The following DYNC2H1 variants were observed in gnomAD, a reference collection of about 807,000 sequenced individuals.
DYNC2H1 encodes dynein cytoplasmic 2 heavy chain 1.
DYNC2H1 carries 410 observed loss-of-function variants against 570.0 expected under a neutral mutation model. That is an observed-to-expected ratio of 0.72 (90% confidence interval 0.66 to 0.78). The LOEUF (loss-of-function observed/expected upper bound fraction) is 0.78. DYNC2H1 is among the 30% of genes least tolerant of loss of function. The pLI, the probability that DYNC2H1 is intolerant of heterozygous loss-of-function variation, is 0.00. For missense variants in DYNC2H1, 4,865 were observed against 5,046.4 expected (o/e 0.96, Z 1.09); for synonymous variants, 1,688 against 1,677.6 (o/e 1.01, Z -0.15).
At chr11:103,311,386 C>CTAG (rs1477884459) in intron 78 of DYNC2H1, among the ~76,000 whole-genome samples, 2 of 151,944 alleles carry the variant, frequency 1.3e-5, no homozygotes, top group African/African-American at 4.8e-5. Context: ...GTCTATGAAC[C>CTAG]TAGCAATGTT....
intron 32 of DYNC2H1, among the ~76,000 whole-genome samples, chr11:103,169,185 C>A (rs1861464737): frequency 1.3e-5 from 2 of 151,980 alleles, no homozygotes; most frequent in South Asian, 4.1e-4. Flanking sequence ...GTACTGAATT[C>A]TCAAAAATGT....
chr11:103,424,720 AG>A (rs1943608601), intron 84 of DYNC2H1, among the ~76,000 whole-genome samples: 1 of 151,622 alleles, frequency 6.6e-6, no homozygotes, highest in Non-Finnish European at 1.5e-5. Context: ...AAAAAAAAAA[AG>A]AGGAGGCAAC....
rs1555057503 is a variant in DYNC2H1, at chr11:103,177,797, G to A, written c.6116G>A (p.Arg2039His). ...WSDGVLTNSA[R>H]QVVREPQDVS... ...GATGGTGTTTTGACAAATAGTGCTCGTCAAGTGGTTCGGGAACCTCAAGGT... is the reference window on the plus strand; with the variant it reads ...GATGGTGTTTTGACAAATAGTGCTCATCAAGTGGTTCGGGAACCTCAAGGT... Residue 2039 changes from arginine to histidine, a missense_variant, in exon 38 of 89, where the codon CGT becomes CAT. Arg to His is a conservative substitution (Grantham distance 29). This residue lies in a region of DYNC2H1 where 231 missense variants were observed against 310.3 expected (regional missense o/e 0.74). Coordinates refer to ENST00000375735, the MANE Select transcript of DYNC2H1 (RefSeq NM_001377.3). This position sits in a 1 kb window ranked among gnomAD's most constrained non-coding sequence, Gnocchi z 4.4. 1 of 1,611,652 alleles carries A rather than the reference G, an allele frequency of 6.2e-7. No individual in the cohort carries two copies. Among genetic ancestry groups the A allele is most frequent in the South Asian group, 1.1e-5 (1 of 90,334 alleles).
Position 103,192,250 on chromosome 11 carries a change from T to A in DYNC2H1, c.7694T>A (p.Leu2565Ter). The change falls in exon 47 of 89, where the codon TTA (leucine) becomes TAA (stop). Residue 2565 changes from leucine to a stop codon, truncating the protein, a stop_gained. Transcript: ENST00000375735. LOFTEE classifies it high-confidence loss of function. The stretch of plus-strand genomic sequence containing the variant: ...CAAGGAGATTGGGGCTCAGACATAT[T>A]AGACAATATGTCAGGTAAGGTAATA... ...VFQGDWGSDI[L>*]DNMSDSFYVT... 6.4e-7 allele frequency: 1 copy of A among 1,558,388 alleles called. No individual in the cohort carries two copies. The highest frequency in any genetic ancestry group is 8.7e-7 in the Non-Finnish European group (1 of 1,144,866).
At chr11:103,270,190 C>A (rs1865647738) in intron 70 of DYNC2H1, among the ~76,000 whole-genome samples, 1 of 17,576 alleles carries the variant, frequency 5.7e-5, no homozygotes, top group South Asian at 7.5e-3. Context: ...AAGATTCCAT[C>A]TCAAAAAAAA....
In DYNC2H1 at chr11:103,173,745, T is replaced by C. The variant is rs564842434; in HGVS notation, c.5559-310T>C. On this transcript the variant is annotated intron_variant, in intron 35 of 88. Coordinates refer to ENST00000375735, the MANE Select transcript of DYNC2H1 (RefSeq NM_001377.3). Reference sequence around the variant, plus strand: ...TAAGAGATAATGGTGAACTAGACAGTGTCAGAGATTGAGAGCAAGATGGAT... The same window carrying C: ...TAAGAGATAATGGTGAACTAGACAGCGTCAGAGATTGAGAGCAAGATGGAT... Among the ~76,000 whole-genome samples, 12 of 152,254 alleles carry C rather than the reference T, an allele frequency of 7.9e-5. No individual in the cohort carries two copies. In the South Asian group the frequency reaches 2.3e-3, roughly 29 times the overall value.
chr11:103,222,234 G>T, intron 58 of DYNC2H1, 81 bp downstream of exon 58: 1 of 1,016,590 alleles, frequency 9.8e-7, no homozygotes, highest in Non-Finnish European at 1.4e-6. Flanking sequence ...CTTTGTCATT[G>T]CCAACTGTTT....
chr11:103,211,392 G>T (rs1325020703), intron 53 of DYNC2H1, among the ~76,000 whole-genome samples: 1 of 152,024 alleles, frequency 6.6e-6, no homozygotes, highest in Non-Finnish European at 1.5e-5. Flanking sequence ...TATCAAATGG[G>T]AGTGGATAGG....
At chr11:103,423,775 ATATTT>A (rs1943575639) in intron 84 of DYNC2H1, among the ~76,000 whole-genome samples, 1 of 152,220 alleles carries the variant, frequency 6.6e-6, no homozygotes, top group South Asian at 2.1e-4. Flanking sequence ...AATTGTATAG[ATATTT>A]TATTAAGACT....
intron 84 of DYNC2H1, chr11:103,408,522 G>A (rs1210975821): frequency 6.6e-6 from 1 of 151,960 alleles, no homozygotes; most frequent in Non-Finnish European, 1.5e-5. Context: ...GTTGCTTTAT[G>A]AAGTAGGCCC....
At chr11:103,447,354 T>C (rs962883545) in intron 85 of DYNC2H1, among the ~76,000 whole-genome samples, 1 of 147,018 alleles carries the variant, frequency 6.8e-6, no homozygotes, top group Non-Finnish European at 1.5e-5. Context: ...ACTATGTCTA[T>C]TAACTTAATA....
rs1021610871 is a variant in DYNC2H1, at chr11:103,363,911, A to C, written c.12156+5552A>C. Among the ~76,000 whole-genome samples the C allele has an allele frequency of 1.3e-5, 2 of 152,190 alleles. No individual in the cohort carries two copies. The highest frequency in any genetic ancestry group is 4.8e-5 in the African/African-American group (2 of 41,448). On this transcript the variant is annotated intron_variant, in intron 83 of 88. Transcript: ENST00000375735. The surrounding 1 kb of genome is among the most constrained non-coding windows in gnomAD (Gnocchi z 5.6). Reference sequence around the variant, plus strand: ...TGGAGCCAAGGACTCACAAAAACTCATGACAGATAGCATTATGACTTCCCA... The same window carrying C: ...TGGAGCCAAGGACTCACAAAAACTCCTGACAGATAGCATTATGACTTCCCA...
At chr11:103,442,112 G>A (rs1447636408) in intron 85 of DYNC2H1, among the ~76,000 whole-genome samples, 1 of 151,940 alleles carries the variant, frequency 6.6e-6, no homozygotes, top group African/African-American at 2.4e-5. Context: ...AGAAACCTGT[G>A]GATGTTTTTT....
chr11:103,255,474 A>G lies in DYNC2H1; in HGVS notation c.10266A>G (p.Leu3422=), dbSNP rs1246023739. The change falls in exon 67 of 89, where the codon CTA becomes CTG. Residue 3422 remains leucine (L), a synonymous_variant. Coordinates refer to ENST00000375735, the MANE Select transcript of DYNC2H1 (RefSeq NM_001377.3). ...ATTTAGAAGAACAGAAAACAAAACTATTACAACAGGAAGAAGATAAGAAAA... is the reference window on the plus strand; with the variant it reads ...ATTTAGAAGAACAGAAAACAAAACTGTTACAACAGGAAGAAGATAAGAAAA... The part of the protein sequence containing the change: ...KPDLEEQKTK[L]LQQEEDKKIQ... 5.7e-6 allele frequency: 9 copies of G among 1,569,964 alleles called. No homozygotes were observed. The highest frequency in any genetic ancestry group is 7.8e-6 in the Non-Finnish European group (9 of 1,156,306).
Position 103,215,770 on chromosome 11 carries a change from A to C in DYNC2H1, c.8744A>C (p.Asn2915Thr). The C allele has an allele frequency of 6.2e-7, 1 of 1,611,952 alleles. No homozygotes were observed. ...GCTAAAGCTCTTGTGGATGAACTGA[A>C]CAGAAAAGCTGGAGAACAAAGTGTG... is the stretch of plus-strand genomic sequence containing the variant. ...NEAKALVDELNRKAGEQSVLL... is the reference protein window; with the variant it reads ...NEAKALVDELTRKAGEQSVLL... Residue 2915 changes from asparagine (N) to threonine (T), a missense_variant, in exon 55 of 89, where the codon AAC becomes ACC. By Grantham distance (65) the Asn-to-Thr change is moderately conservative. Coordinates refer to ENST00000375735, the MANE Select transcript of DYNC2H1 (RefSeq NM_001377.3).
At chr11:103,407,405 T>G (rs1942906403) in intron 84 of DYNC2H1, 1 of 137,330 alleles carries the variant, frequency 7.3e-6, no homozygotes, top group African/African-American at 2.8e-5. Flanking sequence ...TTAAACCTTG[T>G]TTACTCTATC....
chr11:103,234,262 C>A, intron 61 of DYNC2H1, 102 bp downstream of exon 61: 1 of 1,327,860 alleles, frequency 7.5e-7, no homozygotes, highest in Non-Finnish European at 1.0e-6. Flanking sequence ...CATTAATTTG[C>A]ACCTGGCTCA....
At chr11:103,317,728 T>A (rs1003553864) in intron 80 of DYNC2H1, among the ~76,000 whole-genome samples, 3 of 152,142 alleles carry the variant, frequency 2.0e-5, no homozygotes, top group Admixed American at 6.6e-5. Context: ...TTCTTCCTAT[T>A]GTTCACTTCT....
In DYNC2H1 at chr11:103,199,104, T is replaced by C. The variant is rs1591396043; in HGVS notation, c.7840-124T>C. ...ATAAAATATTGAGTGTGAGATGATA[T>C]GTAGTCACTTTACTTTTTTTCTTGA... On this transcript the variant is annotated intron_variant, in intron 48 of 88. Transcript: ENST00000375735. This position sits in a 1 kb window ranked among gnomAD's most constrained non-coding sequence, Gnocchi z 4.6. 5.0e-6 allele frequency: 3 copies of C among 600,096 alleles called. No individual in the cohort carries two copies. In the East Asian group the frequency reaches 9.2e-5, roughly 18 times the overall value. 37.2% of individuals were successfully genotyped at this position (600,096 alleles called of 1,614,324 possible). A position where few individuals can be genotyped will look rare whatever the true frequency, so the allele number is the denominator to read the frequency against.
Sources: allele counts gnomAD v4.1 joint callset (sites outside exome capture counted in the v4.1 genomes callset), GRCh38; gene constraint gnomAD v4.1.1; regional missense constraint gnomAD v4.1.1; non-coding constraint Gnocchi (gnomAD v3.1); transcripts MANE v1.5; gene names NCBI Gene and HGNC (gene_info 2026-07-23, HGNC 2026-07-21).